ZFHX3: variants seen among roughly 807,000 people sequenced by gnomAD.
ZFHX3 encodes the protein zinc finger homeobox 3, also known as zinc finger homeobox protein 3.
Under a neutral mutation model 279.1 loss-of-function variants are expected in ZFHX3, and 42 were observed. The observed-to-expected ratio is 0.15, with a 90% CI of 0.12 to 0.19. The LOEUF (loss-of-function observed/expected upper bound fraction) is 0.19, where lower values mean the gene tolerates loss of function less well. ZFHX3 is among the 10% of genes least tolerant of loss of function. ZFHX3 has a pLI of 1.00. For missense variants in ZFHX3, 4,981 were observed against 4,754.0 expected, an observed-to-expected ratio of 1.05 and a Z score of -1.40; for synonymous variants, 2,293 against 1,957.8, an observed-to-expected ratio of 1.17 and a Z score of -4.52.
chr16:73,802,162 CT>C (rs370752968), intron 1 of ZFHX3, among the ~76,000 whole-genome samples: 12 of 149,852 alleles, frequency 8.0e-5, no homozygotes, highest in African/African-American at 1.5e-4. Flanking sequence ...AAATGTGTGA[CT>C]TTTTTTTTTA....
chr16:73,504,605 C>G (rs1481500008), intron 2 of ZFHX3: 2 of 152,242 alleles, frequency 1.3e-5, no homozygotes, highest in African/African-American at 4.8e-5. Context: ...AAAGACAAAG[C>G]AATGCACTTA....
At chr16:72,919,745 G>A (rs975815139) in intron 3 of ZFHX3, among the ~76,000 whole-genome samples, 2 of 124,858 alleles carry the variant, frequency 1.6e-5, no homozygotes, top group South Asian at 2.7e-4. Context: ...GAGAGAGGCC[G>A]TCTTTCCAAC....
intron 1 of ZFHX3, among the ~76,000 whole-genome samples, chr16:73,853,464 G>C (rs943720731): frequency 3.3e-5 from 5 of 151,386 alleles, no homozygotes; most frequent in Admixed American, 2.0e-4. Flanking sequence ...TAAAGAAAAT[G>C]TGGTATACAC....
At chr16:73,665,180 T>C (rs1367986119) in intron 2 of ZFHX3, among the ~76,000 whole-genome samples, 1 of 151,678 alleles carries the variant, frequency 6.6e-6, no homozygotes, top group Non-Finnish European at 1.5e-5. Flanking sequence ...TTGGGGACCA[T>C]TGAAGAGATG....
At chr16:72,895,147 A>T (rs2144101510) in intron 3 of ZFHX3, among the ~76,000 whole-genome samples, 1 of 152,332 alleles carries the variant, frequency 6.6e-6, no homozygotes, top group African/African-American at 2.4e-5. Flanking sequence ...GTGAGCACAC[A>T]CATGCACACA....
At chr16:72,878,488 T>C (rs1304310975) in intron 4 of ZFHX3, among the ~76,000 whole-genome samples, 1 of 152,198 alleles carries the variant, frequency 6.6e-6, no homozygotes, top group African/African-American at 2.4e-5. Flanking sequence ...CACAAAGGGC[T>C]TTGGACATTA....
At chr16:73,568,223 T>C (rs1424798737) in intron 2 of ZFHX3, among the ~76,000 whole-genome samples, 3 of 152,242 alleles carry the variant, frequency 2.0e-5, no homozygotes, top group African/African-American at 7.2e-5. Context: ...ATTAAGCAAC[T>C]ATTAAAAACA....
chr16:73,556,770 G>T (rs926377618), intron 2 of ZFHX3, among the ~76,000 whole-genome samples: 1 of 152,044 alleles, frequency 6.6e-6, no homozygotes, highest in Non-Finnish European at 1.5e-5. Flanking sequence ...CTCCACTAGA[G>T]GATGTGGTTT....
chr16:73,651,686 A>G (rs2052672965), intron 2 of ZFHX3, among the ~76,000 whole-genome samples: 2 of 121,226 alleles, frequency 1.6e-5, no homozygotes, highest in Non-Finnish European at 1.6e-5. Flanking sequence ...AATACAAAAA[A>G]AAAAAAAAAA....
In ZFHX3 at chr16:73,243,162, A is replaced by C. The variant is rs1265358455; in HGVS notation, c.-1104+13885T>G. Among the ~76,000 whole-genome samples, 3 of 152,326 alleles carry C rather than the reference A, an allele frequency of 2.0e-5. No homozygotes were observed. In the East Asian group the frequency reaches 5.8e-4, roughly 29 times the overall value. On this transcript the variant is annotated intron_variant, in intron 5 of 17. Coordinates refer to the ZFHX3 transcript ENST00000641206. ...CAGGCTGGCTCACCTCTGCTCAGCT[A>C]AGTTGGGTTATATAAGCAGGTATCA...
intron 2 of ZFHX3, among the ~76,000 whole-genome samples, chr16:73,655,880 G>A (rs2052716907): frequency 6.6e-6 from 1 of 152,156 alleles, no homozygotes; most frequent in African/African-American, 2.4e-5. Context: ...ATCCACTCTA[G>A]AGAAATTATT....
At chr16:73,607,911 AG>A (rs943778081) in intron 2 of ZFHX3, among the ~76,000 whole-genome samples, 5 of 152,096 alleles carry the variant, frequency 3.3e-5, no homozygotes, top group African/African-American at 1.2e-4. Flanking sequence ...CACTTCAAAA[AG>A]TACAAAAAAT....
At chr16:72,945,820 A>G (rs1207586157) in intron 3 of ZFHX3, among the ~76,000 whole-genome samples, 1 of 152,104 alleles carries the variant, frequency 6.6e-6, no homozygotes, top group Admixed American at 6.5e-5. Flanking sequence ...CGGTCCCCAA[A>G]GGATGTATGC....
At chr16:73,824,441 T>G (rs1960840266) in intron 1 of ZFHX3, among the ~76,000 whole-genome samples, 2 of 141,760 alleles carry the variant, frequency 1.4e-5, no homozygotes, top group Admixed American at 7.1e-5. Context: ...AGGGTACATG[T>G]GCACATTGTG....
At chr16:73,676,904 A>G (rs1273302830) in intron 2 of ZFHX3, among the ~76,000 whole-genome samples, 1 of 152,002 alleles carries the variant, frequency 6.6e-6, no homozygotes, top group Non-Finnish European at 1.5e-5. Flanking sequence ...TTCAACACAA[A>G]TATGCAATAT....
At chr16:73,718,445 CA>C (rs2053438041) in intron 1 of ZFHX3, among the ~76,000 whole-genome samples, 1 of 151,848 alleles carries the variant, frequency 6.6e-6, no homozygotes, top group African/African-American at 2.4e-5. Context: ...ACAACAAGCA[CA>C]CAAGTCTCTC....
chr16:73,701,460 A>T (rs1203786762), intron 1 of ZFHX3, among the ~76,000 whole-genome samples: 1 of 152,252 alleles, frequency 6.6e-6, no homozygotes, highest in African/African-American at 2.4e-5. Flanking sequence ...TTAGAAAATC[A>T]TGAAACAGAG....
intron 7 of ZFHX3, 82 bp from the exon 8 acceptor site, chr16:72,800,211 A>C (rs1364566742): frequency 1.7e-6 from 2 of 1,204,668 alleles, no homozygotes; most frequent in Non-Finnish European, 2.4e-6. Context: ...TTAATAAGCA[A>C]AATTAGCCTT....
At chr16:73,021,524 G>A (rs374403058) in intron 1 of ZFHX3, among the ~76,000 whole-genome samples, 15 of 152,148 alleles carry the variant, frequency 9.9e-5, no homozygotes, top group South Asian at 4.2e-4. Context: ...AGACTAGATC[G>A]GGGTAGGCCT....
Sources: gnomAD v4.1 joint callset for allele counts (sites outside exome capture counted in the v4.1 genomes callset) on GRCh38, gnomAD v4.1.1 for gene constraint, MANE v1.5 for transcripts, NCBI Gene and HGNC (gene_info 2026-07-23, HGNC 2026-07-21) for gene names.